MRTFA: variants seen among roughly 807,000 people sequenced by gnomAD.
The protein encoded by MRTFA is myocardin related transcription factor A.
Under a neutral mutation model 83.5 loss-of-function variants are expected in MRTFA, and 20 were observed. The observed-to-expected ratio is 0.24, with a 90% CI of 0.17 to 0.35. MRTFA has a LOEUF of 0.35. Ranked by LOEUF, MRTFA falls within the 10% of genes least tolerant of loss-of-function variation. MRTFA has a pLI of 1.00. For synonymous variants in MRTFA, 659 were observed against 541.2 expected, an observed-to-expected ratio of 1.22 and a Z score of -3.02; for missense variants, 1,200 against 1,224.7, an observed-to-expected ratio of 0.98 and a Z score of 0.30.
intron 14 of MRTFA, chr22:40,412,149 C>G (rs1424535319): frequency 5.6e-6 from 2 of 356,838 alleles, no homozygotes; most frequent in Non-Finnish European, 9.9e-6. Context: ...AACAAAAAAC[C>G]AAACTTGACT....
chr22:40,556,178 A>G (rs1373385618), intron 2 of MRTFA, among the ~76,000 whole-genome samples: 2 of 152,210 alleles, frequency 1.3e-5, no homozygotes, highest in Non-Finnish European at 2.9e-5. Flanking sequence ...TAAAAAGACT[A>G]TAGTTTCTGA....
chr22:40,553,972 G>T (rs192221865), intron 2 of MRTFA, among the ~76,000 whole-genome samples: 1 of 152,330 alleles, frequency 6.6e-6, no homozygotes, highest in Non-Finnish European at 1.5e-5. Context: ...TGGAATCAAA[G>T]GAGATCATTT....
intron 1 of MRTFA, among the ~76,000 whole-genome samples, chr22:40,603,752 GA>G (rs913530499): frequency 4.6e-4 from 68 of 147,096 alleles, no homozygotes; most frequent in South Asian, 3.3e-3. Flanking sequence ...GTCACATGTT[GA>G]AAAAAAAAAT....
At chr22:40,475,696 TAAAAA>T (rs1279998442) in intron 3 of MRTFA, among the ~76,000 whole-genome samples, 3 of 152,178 alleles carry the variant, frequency 2.0e-5, no homozygotes, top group African/African-American at 7.2e-5. Flanking sequence ...ACATTAAAAA[TAAAAA>T]GAATTGCTTG....
At chr22:40,531,131 C>T (rs4821957) in intron 3 of MRTFA, among the ~76,000 whole-genome samples, 101,810 of 151,814 alleles carry the variant, frequency 0.67, 34,621 homozygotes, top group African/African-American at 0.76. Context: ...CAGAATCTTG[C>T]TCTGTCGCCC....
intron 13 of MRTFA, 44 bp from the exon 14 acceptor site, chr22:40,417,090 TG>T: frequency 6.5e-7 from 1 of 1,542,488 alleles, no homozygotes; most frequent in Non-Finnish European, 8.8e-7. Context: ...AAATCTTGAA[TG>T]GGGGCTCCCA....
At chr22:40,560,154 C>T (rs1345729308) in intron 2 of MRTFA, among the ~76,000 whole-genome samples, 1 of 152,092 alleles carries the variant, frequency 6.6e-6, no homozygotes, top group Non-Finnish European at 1.5e-5. Flanking sequence ...GAAGAACACA[C>T]AAAACAAGAG....
intron 5 of MRTFA, among the ~76,000 whole-genome samples, chr22:40,432,093 A>C (rs1469681783): frequency 6.6e-6 from 1 of 152,128 alleles, no homozygotes; most frequent in Non-Finnish European, 1.5e-5. Context: ...TAAAAATACA[A>C]AAATTAGCCA....
At chr22:40,464,505 T>A (rs2053780596) in intron 3 of MRTFA, among the ~76,000 whole-genome samples, 1 of 146,366 alleles carries the variant, frequency 6.8e-6, no homozygotes, top group East Asian at 2.0e-4. Flanking sequence ...CAAGACCCCG[T>A]CTAAAAAAAA....
chr22:40,460,908 T>C (rs760327787), intron 4 of MRTFA, among the ~76,000 whole-genome samples: 4 of 151,938 alleles, frequency 2.6e-5, no homozygotes, highest in South Asian at 2.1e-4. Flanking sequence ...AGGATAGAAA[T>C]AGACCCCAAG....
intron 3 of MRTFA, among the ~76,000 whole-genome samples, chr22:40,513,861 G>A (rs1214916936): frequency 1.2e-4 from 19 of 152,038 alleles, no homozygotes; most frequent in Non-Finnish European, 2.6e-4. Context: ...TTTTTGGGAG[G>A]CTGAGGCAGA....
At chr22:40,430,258 C>T (rs2053040613) in intron 6 of MRTFA, among the ~76,000 whole-genome samples, 1 of 151,864 alleles carries the variant, frequency 6.6e-6, no homozygotes, top group South Asian at 2.1e-4. Context: ...GAGGCCAAGG[C>T]ATGTGGATCA....
chr22:40,495,367 AC>A (rs2054334445), intron 3 of MRTFA, among the ~76,000 whole-genome samples: 1 of 148,270 alleles, frequency 6.7e-6, no homozygotes, highest in Non-Finnish European at 1.5e-5. Flanking sequence ...CAGGACGATC[AC>A]TTGAACCTGG....
chr22:40,454,163 G>C (rs780882714), intron 4 of MRTFA, among the ~76,000 whole-genome samples: 1 of 152,170 alleles, frequency 6.6e-6, no homozygotes, highest in Non-Finnish European at 1.5e-5. Context: ...GGGAGGCAGG[G>C]TCTCACTCTG....
chr22:40,457,481 A>AGAAAGAAAGAAAGAAAGAAG (rs1569275953), intron 4 of MRTFA, among the ~76,000 whole-genome samples: 1 of 138,942 alleles, frequency 7.2e-6, no homozygotes, highest in African/African-American at 2.5e-5. Context: ...AAAGAAAGAA[A>AGAAAGAAAGAAAGAAAGAAG]GAAAGAAGGA....
chr22:40,417,163 C>T (rs2052699049), intron 13 of MRTFA, 117 bp from the exon 14 acceptor site: 4 of 1,380,498 alleles, frequency 2.9e-6, no homozygotes, highest in African/African-American at 2.9e-5. Context: ...TCCACAGGAC[C>T]CATGGGCGTG....
intron 3 of MRTFA, among the ~76,000 whole-genome samples, chr22:40,491,811 T>C (rs1231716363): frequency 2.0e-5 from 3 of 152,212 alleles, no homozygotes; most frequent in African/African-American, 7.2e-5. Flanking sequence ...TACAGTACTA[T>C]GTTCAGTTAT....
intron 4 of MRTFA, among the ~76,000 whole-genome samples, chr22:40,450,890 C>T (rs1410278947): frequency 6.6e-6 from 1 of 152,182 alleles, no homozygotes; most frequent in Admixed American, 6.5e-5. Context: ...GGTTTGTAGC[C>T]AGAAAACCCG....
intron 1 of MRTFA, among the ~76,000 whole-genome samples, chr22:40,631,579 G>A (rs1367497617): frequency 6.6e-6 from 1 of 151,776 alleles, no homozygotes; most frequent in Non-Finnish European, 1.5e-5. Flanking sequence ...CTTATGCTGT[G>A]TAACTGCTCA....
Sources: allele counts gnomAD v4.1 joint callset (sites outside exome capture counted in the v4.1 genomes callset), GRCh38; gene constraint gnomAD v4.1.1; transcripts MANE v1.5; gene names NCBI Gene and HGNC (gene_info 2026-07-23, HGNC 2026-07-21).